The following USP3 variants were observed in gnomAD, a reference collection of about 807,000 sequenced individuals.
The protein encoded by USP3 is ubiquitin specific peptidase 3, also known as ubiquitin carboxyl-terminal hydrolase 3.
In USP3, 20 loss-of-function variants were observed where a neutral mutation model predicts 72.3. That is an observed-to-expected ratio of 0.28 (90% CI 0.19 to 0.40). The LOEUF is 0.40. Among genes scored for constraint, USP3 ranks in the 10% least tolerant of loss-of-function variants. The pLI is 1.00. For missense variants in USP3, 479 were observed against 633.9 expected (o/e 0.76, Z 2.62); for synonymous variants, 222 against 225.3 (o/e 0.99, Z 0.13).
At chr15:63,575,047 G>T (rs2066839786) in intron 11 of USP3, among the ~76,000 whole-genome samples, 1 of 151,576 alleles carries the variant, frequency 6.6e-6, no homozygotes, top group Admixed American at 6.6e-5. Flanking sequence ...GGCCGAGTCT[G>T]TATTTTATCA....
chr15:63,526,615 T>G (rs1188151589), intron 1 of USP3, among the ~76,000 whole-genome samples: 1 of 152,216 alleles, frequency 6.6e-6, no homozygotes, highest in Non-Finnish European at 1.5e-5. Context: ...TGTAGCAGCA[T>G]GTTTGTCTGT....
At chr15:63,571,004 C>T (rs918954878) in intron 9 of USP3, among the ~76,000 whole-genome samples, 1 of 152,046 alleles carries the variant, frequency 6.6e-6, no homozygotes, top group East Asian at 1.9e-4. Context: ...TTGAACTTTC[C>T]TAAAGTTTAT....
intron 1 of USP3, among the ~76,000 whole-genome samples, chr15:63,519,079 A>C (rs1448818416): frequency 1.3e-5 from 2 of 152,070 alleles, no homozygotes; most frequent in Admixed American, 6.5e-5. Context: ...CTTTCTTTTC[A>C]ATCAGCAGAG....
intron 3 of USP3, among the ~76,000 whole-genome samples, chr15:63,545,970 C>CAAAAAAAAAAAAAAAA (rs60122671): frequency 1.5e-5 from 1 of 68,856 alleles, no homozygotes; most frequent in Non-Finnish European, 2.5e-5. Context: ...GACCTTGTCT[C>CAAAAAAAAAAAAAAAA]AAAAAAAAAA....
Position 63,529,170 on chromosome 15 carries a change from G to T in USP3, c.92-3477G>T. 6 of 662,508 alleles carry T rather than the reference G, an allele frequency of 9.1e-6. No homozygotes were observed. Among genetic ancestry groups the T allele is most frequent in the Middle Eastern group, 2.9e-4 (1 of 3,452 alleles). The allele number at this position is 662,508 out of a possible 1,614,324, so 41.0% of individuals were successfully genotyped here. A position where few individuals can be genotyped will look rare whatever the true frequency, so the allele number is the denominator to read the frequency against. ...CAATCACCACCACACTTGGCAGGTA[G>T]TAAAGTGGTTTTTTTTTTTTTCTTT... is the stretch of plus-strand genomic sequence containing the variant. On this transcript the variant is annotated intron_variant, in intron 1 of 14. Coordinates refer to ENST00000380324, the MANE Select transcript of USP3 (RefSeq NM_006537.4). This position sits in a 1 kb window ranked among gnomAD's most constrained non-coding sequence, Gnocchi z 4.2.
At chr15:63,583,114 G>A (rs759589251) in intron 11 of USP3, among the ~76,000 whole-genome samples, 10 of 152,148 alleles carry the variant, frequency 6.6e-5, no homozygotes, top group African/African-American at 1.9e-4. Flanking sequence ...TTAAATATAG[G>A]GGGGGGAAAA....
chr15:63,582,753 C>T (rs1308750165), intron 11 of USP3, among the ~76,000 whole-genome samples: 4 of 152,196 alleles, frequency 2.6e-5, no homozygotes, highest in Admixed American at 1.3e-4. Context: ...TAAAGAGCCT[C>T]CTTTGCATTG....
rs2066768565 is a variant in USP3, at chr15:63,570,901, C to T, written c.908+322C>T. On this transcript the variant is annotated intron_variant, in intron 9 of 14. Transcript: ENST00000380324. The surrounding 1 kb of genome is among the most constrained non-coding windows in gnomAD (Gnocchi z 4.4). ...AATATACTGAATGATAGGCAGGAGACTTAATTTTCATATACCAAAATAATA... is the reference window on the plus strand; with the variant it reads ...AATATACTGAATGATAGGCAGGAGATTTAATTTTCATATACCAAAATAATA... Among the ~76,000 whole-genome samples the T allele has an allele frequency of 6.6e-6, 1 of 152,166 alleles. No homozygotes were observed. Among genetic ancestry groups the T allele is most frequent in the Non-Finnish European group, 1.5e-5 (1 of 68,026 alleles).
chr15:63,588,440 G>T lies in USP3; in HGVS notation c.1215+17G>T. The T allele has an allele frequency of 6.5e-7, 1 of 1,549,270 alleles. No individual in the cohort carries two copies. The highest frequency in any genetic ancestry group is 8.8e-7 in the Non-Finnish European group (1 of 1,135,244). On this transcript the variant is annotated intron_variant, in intron 12 of 14. Coordinates refer to ENST00000380324, the MANE Select transcript of USP3 (RefSeq NM_006537.4). The surrounding 1 kb of genome is among the most constrained non-coding windows in gnomAD (Gnocchi z 4.6). ...CTACCCAAGGTGAGTGTTGAATTTT[G>T]AGTTATGAAGCAATTTCAATGGGAA...
chr15:63,545,888 T>C (rs2066314787), intron 3 of USP3, among the ~76,000 whole-genome samples: 1 of 145,718 alleles, frequency 6.9e-6, no homozygotes, highest in Non-Finnish European at 1.5e-5. Flanking sequence ...GGAGTATGGC[T>C]TGAGCCCAGG....
intron 4 of USP3, 88 bp from the exon 5 acceptor site, chr15:63,556,579 G>T (rs1481717212): frequency 1.9e-6 from 2 of 1,034,018 alleles, no homozygotes; most frequent in East Asian, 5.4e-5. Context: ...TGCCCTAGGT[G>T]TTGAGGGCAG....
intron 11 of USP3, among the ~76,000 whole-genome samples, chr15:63,580,413 T>C (rs567970419): frequency 2.0e-5 from 3 of 152,034 alleles, no homozygotes; most frequent in African/African-American, 7.2e-5. Flanking sequence ...ATTTGGGGGA[T>C]AGTAAAAAAT....
intron 11 of USP3, among the ~76,000 whole-genome samples, chr15:63,576,188 T>C (rs2066860761): frequency 6.6e-6 from 1 of 152,146 alleles, no homozygotes; most frequent in Admixed American, 6.5e-5. Flanking sequence ...GGTTTTGCCA[T>C]GTTGGCTAGG....
intron 1 of USP3, among the ~76,000 whole-genome samples, chr15:63,512,861 C>T (rs1239690586): frequency 6.6e-6 from 1 of 152,152 alleles, no homozygotes; most frequent in Non-Finnish European, 1.5e-5. Context: ...TGAAATTAAA[C>T]TTGAACATTG....
rs1595732048 is a variant in USP3, at chr15:63,544,869, A to G, written c.284+7713A>G. 2.3e-5 allele frequency: 14 copies of G among 596,312 alleles called. No homozygotes were observed. The East Asian group carries it at 4.0e-4, about 17-fold the overall frequency. The allele number at this position is 596,312 out of a possible 1,614,324, so 36.9% of individuals were successfully genotyped here. On this transcript the variant is annotated intron_variant, in intron 3 of 14. Transcript: ENST00000380324. This position sits in a 1 kb window ranked among gnomAD's most constrained non-coding sequence, Gnocchi z 4.2. ...AGGCTGACATTGTGGGGACCATCAA[A>G]TACTATACTTAGTTCAGTTACAGAT...
chr15:63,550,498 CA>C (rs1394488136), intron 3 of USP3, among the ~76,000 whole-genome samples: 2 of 152,064 alleles, frequency 1.3e-5, no homozygotes, highest in Non-Finnish European at 2.9e-5. Flanking sequence ...GTAGAGAATT[CA>C]AAAATATCTA....
At chr15:63,562,832 G>T in intron 7 of USP3, 63 bp from the exon 8 acceptor site, 1 of 1,062,612 alleles carries the variant, frequency 9.4e-7, no homozygotes, top group Admixed American at 2.3e-5. Context: ...TAGATGGGTG[G>T]ACGCTGTGTT....
intron 6 of USP3, among the ~76,000 whole-genome samples, chr15:63,559,135 C>A (rs2066562247): frequency 6.6e-6 from 1 of 151,986 alleles, no homozygotes; most frequent in Admixed American, 6.5e-5. Context: ...TAAATAACTC[C>A]CAGAAGCTTA....
intron 2 of USP3, among the ~76,000 whole-genome samples, chr15:63,534,677 C>T (rs2066128642): frequency 1.3e-5 from 2 of 152,066 alleles, no homozygotes; most frequent in African/African-American, 4.8e-5. Context: ...CTGATATGCA[C>T]CGGAACTATT....
Sources: allele counts gnomAD v4.1 joint callset (sites outside exome capture counted in the v4.1 genomes callset), GRCh38; gene constraint gnomAD v4.1.1; non-coding constraint Gnocchi (gnomAD v3.1); transcripts MANE v1.5; gene names NCBI Gene and HGNC (gene_info 2026-07-23, HGNC 2026-07-21).